The following NEBL variants were observed in gnomAD, a reference collection of about 807,000 sequenced individuals.
The protein encoded by NEBL is nebulette.
In NEBL, 122 loss-of-function variants were observed where a neutral mutation model predicts 140.2. The ratio of observed to expected loss-of-function variants is 0.87; its 90% CI spans 0.75 to 1.01. The LOEUF (loss-of-function observed/expected upper bound fraction) is 1.01, where lower values mean the gene tolerates loss of function less well. Among genes scored for constraint, NEBL ranks in the 50% least tolerant of loss-of-function variants. NEBL has a pLI of 0.00. For synonymous variants in NEBL, 436 were observed against 398.9 expected (o/e 1.09, Z -1.11); for missense variants, 1,365 against 1,231.3 (o/e 1.11, Z -1.62).
At chr10:20,811,828 T>C (rs575000051) in intron 24 of NEBL, among the ~76,000 whole-genome samples, 1 of 152,258 alleles carries the variant, frequency 6.6e-6, no homozygotes, top group East Asian at 1.9e-4. Context: ...AATTCAGAGG[T>C]TAACTGCTCT....
intron 2 of NEBL, among the ~76,000 whole-genome samples, chr10:21,046,629 G>C (rs1167511156): frequency 6.6e-6 from 1 of 152,094 alleles, no homozygotes; most frequent in Admixed American, 6.5e-5. Context: ...GAGACGGAGT[G>C]TGACTCTGTC....
chr10:20,950,537 A>G (rs918951192), intron 4 of NEBL, among the ~76,000 whole-genome samples: 1 of 152,182 alleles, frequency 6.6e-6, no homozygotes, highest in African/African-American at 2.4e-5. Context: ...TGAACATGAA[A>G]CACATCCAGA....
At chr10:20,972,559 A>G (rs1348235322) in intron 3 of NEBL, among the ~76,000 whole-genome samples, 1 of 152,138 alleles carries the variant, frequency 6.6e-6, no homozygotes, top group Non-Finnish European at 1.5e-5. Context: ...CCTGGCCAAC[A>G]TGGTGAAACC....
intron 8 of NEBL, 68 bp downstream of exon 8, chr10:20,859,645 A>G: frequency 1.9e-6 from 2 of 1,063,798 alleles, no homozygotes; most frequent in Non-Finnish European, 2.9e-6. Flanking sequence ...TAATTACAAC[A>G]CAGTCGATTC....
At chr10:20,940,715 A>G (rs1361259989) in intron 4 of NEBL, among the ~76,000 whole-genome samples, 3 of 149,996 alleles carry the variant, frequency 2.0e-5, no homozygotes. Context: ...GAAAAGAGAG[A>G]AGAATCAAAT....
Position 20,970,240 on chromosome 10 carries a change from C to T in NEBL, c.250-8461G>A, listed in dbSNP as rs147973263. ...TGTGCTCAGCACTCCTTACTGTACA[C>T]ACATGTTGACTCACTCACTCATCAT... On this transcript the variant is annotated intron_variant, in intron 3 of 6. Transcript: ENST00000417816. 1.1e-4 allele frequency among the ~76,000 whole-genome samples: 16 copies of T among 152,294 alleles called. No individual in the cohort carries two copies. In the East Asian group the frequency reaches 3.1e-3, roughly 29 times the overall value.
chr10:21,026,576 A>G (rs144962641), intron 2 of NEBL, among the ~76,000 whole-genome samples: 7 of 152,268 alleles, frequency 4.6e-5, no homozygotes, highest in Non-Finnish European at 8.8e-5. Flanking sequence ...CTCCCTCCTG[A>G]GCACTTAAGT....
At chr10:21,134,493 G>A (rs1296559782) in intron 2 of NEBL, among the ~76,000 whole-genome samples, 3 of 152,052 alleles carry the variant, frequency 2.0e-5, no homozygotes, top group African/African-American at 7.2e-5. Flanking sequence ...CTAAATTTTA[G>A]AAGACACTAT....
chr10:20,873,166 G>A (rs563124979), intron 5 of NEBL, among the ~76,000 whole-genome samples: 8 of 152,278 alleles, frequency 5.3e-5, no homozygotes, highest in African/African-American at 1.9e-4. Context: ...AATAAAAAAT[G>A]TAACACAGCA....
intron 3 of NEBL, among the ~76,000 whole-genome samples, chr10:21,233,698 ATATT>A (rs1302120867): frequency 6.9e-6 from 1 of 144,204 alleles, no homozygotes; most frequent in East Asian, 2.0e-4. Flanking sequence ...ATATAGAGAC[ATATT>A]TATATATGCA....
chr10:21,201,379 A>T (rs1338057681), intron 3 of NEBL, among the ~76,000 whole-genome samples: 2 of 152,198 alleles, frequency 1.3e-5, no homozygotes, highest in African/African-American at 4.8e-5. Context: ...GAATTCCAAA[A>T]GCCTAACATA....
At chr10:21,208,192 T>G (rs907343349) in intron 3 of NEBL, among the ~76,000 whole-genome samples, 1 of 152,154 alleles carries the variant, frequency 6.6e-6, no homozygotes, top group African/African-American at 2.4e-5. Context: ...GTAAGATGGA[T>G]GAAATCATCA....
intron 2 of NEBL, chr10:21,126,001 C>T (rs757138440): frequency 1.2e-6 from 2 of 1,614,206 alleles, no homozygotes; most frequent in Non-Finnish European, 8.5e-7. Flanking sequence ...CTTGTAGAGA[C>T]TGAAGCTGAC....
intron 3 of NEBL, among the ~76,000 whole-genome samples, chr10:21,189,958 C>G (rs986292787): frequency 2.6e-5 from 4 of 151,988 alleles, no homozygotes; most frequent in Non-Finnish European, 4.4e-5. Context: ...AATTCAATGA[C>G]TCTGTTGAAA....
At chr10:21,014,119 T>C (rs1422158474) in intron 3 of NEBL, among the ~76,000 whole-genome samples, 2 of 152,056 alleles carry the variant, frequency 1.3e-5, no homozygotes, top group African/African-American at 4.8e-5. Flanking sequence ...TTCCTATTTT[T>C]TATTATTATT....
chr10:21,265,951 T>G (rs1842792037), intron 1 of NEBL, among the ~76,000 whole-genome samples: 1 of 152,118 alleles, frequency 6.6e-6, no homozygotes, highest in African/African-American at 2.4e-5. Flanking sequence ...CAACCAAGGG[T>G]GAAGAAGTTG....
chr10:21,174,004 G>C lies in NEBL; in HGVS notation c.-171C>G, dbSNP rs950494129. ...CGGGTGAGTGCACGGGGAGGGCGAC[G>C]GGGCCTGGCGCCTGGGGCCGGCCGC... On this transcript the variant is annotated 5_prime_UTR_variant, in exon 1 of 7. Coordinates refer to the NEBL transcript ENST00000417816. The C allele has an allele frequency of 5.1e-6, 6 of 1,179,294 alleles. No homozygotes were observed. In the Admixed American group the frequency reaches 2.8e-4, roughly 55 times the overall value. The allele number at this position is 1,179,294 out of a possible 1,614,324, so 73.1% of individuals were successfully genotyped here.
chr10:20,857,227 A>G (rs1843165055), intron 9 of NEBL, among the ~76,000 whole-genome samples: 1 of 152,236 alleles, frequency 6.6e-6, no homozygotes. Context: ...AGGCTTACAA[A>G]ATAATAAACA....
At chr10:20,863,797 T>C (rs993930047) in intron 7 of NEBL, among the ~76,000 whole-genome samples, 1 of 152,228 alleles carries the variant, frequency 6.6e-6, no homozygotes, top group Middle Eastern at 3.4e-3. Flanking sequence ...CACGTATATA[T>C]TATGCAACTA....
Sources: gnomAD v4.1 joint callset for allele counts (sites outside exome capture counted in the v4.1 genomes callset) on GRCh38, gnomAD v4.1.1 for gene constraint, MANE v1.5 for transcripts, NCBI Gene and HGNC (gene_info 2026-07-23, HGNC 2026-07-21) for gene names.